TRPM3: variants seen among roughly 807,000 people sequenced by gnomAD.
The protein encoded by TRPM3 is transient receptor potential cation channel subfamily M member 3.
Under a neutral mutation model 181.2 loss-of-function variants are expected in TRPM3, and 77 were observed. The observed-to-expected ratio is 0.42, with a 90% CI of 0.35 to 0.51. The LOEUF is 0.51. Among genes scored for constraint, TRPM3 ranks in the 20% least tolerant of loss-of-function variants. The pLI, the probability that TRPM3 is intolerant of heterozygous loss-of-function variation, is 0.01. For missense variants in TRPM3, 1,759 were observed against 2,196.7 expected (o/e 0.80, Z 3.98); for synonymous variants, 745 against 796.4 (o/e 0.94, Z 1.09).
intron 3 of TRPM3, 76 bp from the exon 4 acceptor site, chr9:70,846,667 T>A: frequency 8.1e-7 from 1 of 1,232,284 alleles, no homozygotes; most frequent in Non-Finnish European, 1.2e-6. Context: ...TGATTGCAAT[T>A]ATATGTGTAG....
intron 1 of TRPM3, among the ~76,000 whole-genome samples, chr9:71,030,550 G>A (rs1375000982): frequency 6.6e-6 from 1 of 150,904 alleles, no homozygotes; most frequent in Admixed American, 6.6e-5. Flanking sequence ...GGGCAACAGA[G>A]TGAGAAGTGA....
intron 1 of TRPM3, among the ~76,000 whole-genome samples, chr9:71,112,750 C>A (rs1818280989): frequency 6.6e-6 from 1 of 152,040 alleles, no homozygotes; most frequent in South Asian, 2.1e-4. Flanking sequence ...CCACAACATG[C>A]TAAAAGTAAA....
intron 1 of TRPM3, among the ~76,000 whole-genome samples, chr9:70,880,194 G>T (rs7859581): frequency 0.73 from 110,454 of 152,006 alleles, 40,655 homozygotes; most frequent in African/African-American, 0.82. Flanking sequence ...AAATGCTATT[G>T]TAGGGGTACA....
chr9:71,192,640 A>G (rs1249913310), intron 1 of TRPM3, among the ~76,000 whole-genome samples: 1 of 151,830 alleles, frequency 6.6e-6, no homozygotes, highest in East Asian at 1.9e-4. Context: ...ACTTCCTTAA[A>G]TATTTTGAAT....
chr9:70,974,471 G>A (rs1239307410), intron 1 of TRPM3, among the ~76,000 whole-genome samples: 1 of 152,054 alleles, frequency 6.6e-6, no homozygotes, highest in Admixed American at 6.6e-5. Context: ...CCCGGGAGGC[G>A]GAGCTTGCAG....
intron 1 of TRPM3, among the ~76,000 whole-genome samples, chr9:70,937,997 C>T (rs2096846072): frequency 6.6e-6 from 1 of 152,224 alleles, no homozygotes; most frequent in South Asian, 2.1e-4. Flanking sequence ...TCTCCTATTA[C>T]AGTTCCTCAG....
intron 24 of TRPM3, 79 bp from the exon 25 acceptor site, chr9:70,549,753 T>C: frequency 6.9e-7 from 1 of 1,454,438 alleles, no homozygotes; most frequent in East Asian, 2.4e-5. Context: ...CTAGTGACAT[T>C]CTCAGTATAA....
intron 1 of TRPM3, among the ~76,000 whole-genome samples, chr9:70,987,033 G>C (rs2097428482): frequency 6.6e-6 from 1 of 151,426 alleles, no homozygotes; most frequent in Non-Finnish European, 1.5e-5. Flanking sequence ...CATTTTACTT[G>C]ATTTTAATTA....
intron 16 of TRPM3, 118 bp from the exon 17 acceptor site, chr9:70,619,213 GGGGTCT>G: frequency 2.6e-6 from 2 of 775,788 alleles, no homozygotes; most frequent in South Asian, 3.2e-5. Flanking sequence ...TGTTTCATAT[GGGGTCT>G]AGTCTGTTTG....
Position 70,748,989 on chromosome 9 carries a change from A to C in TRPM3, c.1272+12612T>G, listed in dbSNP as rs1203187638. 2.9e-4 allele frequency among the ~76,000 whole-genome samples: 44 copies of C among 151,994 alleles called. 1 individual carries two copies. The highest frequency in any genetic ancestry group is 1.5e-5 in the Non-Finnish European group (1 of 67,996). The stretch of plus-strand genomic sequence containing the variant: ...AGCCCCAAACTCCCAGGCTTAAGAG[A>C]TTTAGCTAGAACTCCGGTTGCATGC... On this transcript the variant is annotated intron_variant, in intron 8 of 25. Coordinates refer to ENST00000677713, the MANE Select transcript of TRPM3 (RefSeq NM_001366145.2).
intron 1 of TRPM3, among the ~76,000 whole-genome samples, chr9:70,993,784 C>CAA (rs745913831): frequency 4.5e-5 from 3 of 66,738 alleles, no homozygotes; most frequent in African/African-American, 6.5e-5. Context: ...GATTCCATCT[C>CAA]AAAAAAAAAA....
At chr9:70,976,651 A>T (rs1341561715) in intron 1 of TRPM3, among the ~76,000 whole-genome samples, 1 of 152,218 alleles carries the variant, frequency 6.6e-6, no homozygotes, top group East Asian at 1.9e-4. Flanking sequence ...TGAGAGCCAG[A>T]CCGCCTACAG....
At chr9:71,434,036 G>A (rs1439290727) in intron 1 of TRPM3, among the ~76,000 whole-genome samples, 2 of 152,128 alleles carry the variant, frequency 1.3e-5, no homozygotes, top group Non-Finnish European at 2.9e-5. Flanking sequence ...GCGCGCACCT[G>A]TAGTCCCAGC....
At chr9:70,788,432 T>TGCC (rs1279088724) in intron 6 of TRPM3, among the ~76,000 whole-genome samples, 1 of 152,010 alleles carries the variant, frequency 6.6e-6, no homozygotes, top group Non-Finnish European at 1.5e-5. Flanking sequence ...CAAAATTCTA[T>TGCC]GCCCAGGAGG....
Position 70,531,682 on chromosome 9 carries a change from T to A in TRPM3, c.*4271A>T, listed in dbSNP as rs1052550803. 6.6e-6 allele frequency: 1 copy of A among 152,242 alleles called. No homozygotes were observed. The highest frequency in any genetic ancestry group is 2.4e-5 in the African/African-American group (1 of 41,466). The allele number at this position is 152,242 out of a possible 1,614,324, so 9.4% of individuals were successfully genotyped here. The stretch of plus-strand genomic sequence containing the variant: ...TAAAATACTGTACACTGCTTCTGCA[T>A]GGGGTTGGCAGATGTAAACAGCTAA... On this transcript the variant is annotated 3_prime_UTR_variant, in exon 26 of 26. Transcript: ENST00000677713.
At chr9:70,977,129 TTTTA>T (rs1220194245) in intron 1 of TRPM3, among the ~76,000 whole-genome samples, 1 of 152,232 alleles carries the variant, frequency 6.6e-6, no homozygotes, top group African/African-American at 2.4e-5. Flanking sequence ...TCTGAACTGT[TTTTA>T]TTTATTTATT....
At chr9:70,617,243 C>T (rs547876869) in intron 17 of TRPM3, among the ~76,000 whole-genome samples, 106 of 152,312 alleles carry the variant, frequency 7.0e-4, no homozygotes, top group Non-Finnish European at 1.2e-3. Context: ...GCCAGCATGA[C>T]TCCCTTCCTA....
intron 22 of TRPM3, among the ~76,000 whole-genome samples, chr9:70,559,845 A>T (rs944746570): frequency 6.6e-6 from 1 of 152,182 alleles, no homozygotes; most frequent in South Asian, 2.1e-4. Flanking sequence ...AGAATAGGAC[A>T]TCCTACTTAT....
intron 9 of TRPM3, among the ~76,000 whole-genome samples, chr9:70,646,545 A>AC (rs924256809): frequency 2.1e-4 from 32 of 152,108 alleles, no homozygotes; most frequent in South Asian, 4.1e-4. Context: ...AGGGAGGAAA[A>AC]CATCACACGC....
Sources: gnomAD v4.1 joint callset for allele counts (sites outside exome capture counted in the v4.1 genomes callset) on GRCh38, gnomAD v4.1.1 for gene constraint, MANE v1.5 for transcripts, NCBI Gene and HGNC (gene_info 2026-07-23, HGNC 2026-07-21) for gene names.